TRHDE: variants seen among roughly 807,000 people sequenced by gnomAD.
TRHDE encodes thyrotropin-releasing hormone-degrading ectoenzyme.
TRHDE carries 72 observed loss-of-function variants against 125.7 expected under a neutral mutation model. The ratio of observed to expected loss-of-function variants is 0.57; its 90% CI spans 0.47 to 0.70. The LOEUF is 0.70. TRHDE is among the 30% of genes least tolerant of loss of function. The pLI is 0.00. For missense variants in TRHDE, 1,110 were observed against 1,327.1 expected, an observed-to-expected ratio of 0.84 and a Z score of 2.54; for synonymous variants, 509 against 509.1, an observed-to-expected ratio of 1.00 and a Z score of 0.00.
intron 15 of TRHDE, among the ~76,000 whole-genome samples, chr12:72,651,730 G>C (rs1014602102): frequency 6.6e-6 from 1 of 151,858 alleles, no homozygotes; most frequent in Non-Finnish European, 1.5e-5. Context: ...TTGGATCAAA[G>C]TCAAATTTTA....
chr12:72,551,968 G>A (rs1032254258), intron 7 of TRHDE, among the ~76,000 whole-genome samples: 7 of 152,068 alleles, frequency 4.6e-5, no homozygotes, highest in African/African-American at 1.2e-4. Flanking sequence ...GCCCTACAAA[G>A]GGTTAAGACA....
At chr12:72,265,650 C>T (rs771280346) in intron 2 of TRHDE, among the ~76,000 whole-genome samples, 10 of 151,184 alleles carry the variant, frequency 6.6e-5, no homozygotes, top group Non-Finnish European at 1.5e-4. Context: ...CATCTTTTTC[C>T]ATAGTTTGAA....
chr12:72,339,706 T>C (rs1869993521), intron 2 of TRHDE, among the ~76,000 whole-genome samples: 1 of 152,196 alleles, frequency 6.6e-6, no homozygotes, highest in Admixed American at 6.5e-5. Flanking sequence ...ATCATGGTTT[T>C]ATTATGTTAG....
At chr12:72,654,041 A>G (rs1182119760) in intron 17 of TRHDE, among the ~76,000 whole-genome samples, 1 of 152,152 alleles carries the variant, frequency 6.6e-6, no homozygotes, top group Non-Finnish European at 1.5e-5. Context: ...TGACTTTTTT[A>G]ATATTTTCAG....
chr12:72,330,028 G>A (rs754195825), intron 2 of TRHDE, among the ~76,000 whole-genome samples: 5 of 152,160 alleles, frequency 3.3e-5, no homozygotes, highest in Non-Finnish European at 7.4e-5. Flanking sequence ...TGTAGGCAGT[G>A]CCCATTTCCC....
chr12:72,185,174 G>A (rs1306905573), intron 2 of TRHDE, among the ~76,000 whole-genome samples: 2 of 152,238 alleles, frequency 1.3e-5, no homozygotes, highest in Admixed American at 1.3e-4. Flanking sequence ...GGGCAATGAG[G>A]GACTTAGCAC....
chr12:72,561,937 T>G (rs1451727318), intron 7 of TRHDE, among the ~76,000 whole-genome samples: 1 of 152,164 alleles, frequency 6.6e-6, no homozygotes, highest in Non-Finnish European at 1.5e-5. Context: ...GAAGTTATTA[T>G]AGTTATGAAA....
At chr12:72,637,593 G>A (rs1448503738) in intron 15 of TRHDE, among the ~76,000 whole-genome samples, 1 of 151,974 alleles carries the variant, frequency 6.6e-6, no homozygotes, top group African/African-American at 2.4e-5. Flanking sequence ...TAATTGTGAT[G>A]TTAGGGTGTC....
intron 3 of TRHDE, among the ~76,000 whole-genome samples, chr12:72,441,920 C>T (rs1875034112): frequency 6.6e-6 from 1 of 151,850 alleles, no homozygotes; most frequent in South Asian, 2.1e-4. Context: ...CTTGAGTAAA[C>T]TTGGGAACAC....
At chr12:72,431,737 C>T (rs1294466332) in intron 3 of TRHDE, 1 of 152,142 alleles carries the variant, frequency 6.6e-6, no homozygotes, top group African/African-American at 2.4e-5. Context: ...ATTGGCATAC[C>T]TGTTACATGT....
At chr12:72,170,223 A>G (rs777411827) in intron 2 of TRHDE, among the ~76,000 whole-genome samples, 1 of 152,184 alleles carries the variant, frequency 6.6e-6, no homozygotes, top group Non-Finnish European at 1.5e-5. Flanking sequence ...CTTCTGAAGT[A>G]GATAACAAGA....
chr12:72,640,880 C>G (rs186192233), intron 15 of TRHDE, among the ~76,000 whole-genome samples: 3 of 152,188 alleles, frequency 2.0e-5, no homozygotes, highest in Non-Finnish European at 2.9e-5. Flanking sequence ...ATCAATGGCA[C>G]GTATACTACC....
rs1384118966 is a variant in TRHDE, at chr12:72,665,658, C to CT, written c.*2469dup. On this transcript the variant is annotated 3_prime_UTR_variant, in exon 19 of 19. Transcript: ENST00000261180. ...TTTCTACTTAGAGTTTTTATCTTTT[C>CT]TTTTTTGTCGGCTTTACAAATTATA... 6.6e-6 allele frequency: 1 copy of CT among 151,842 alleles called. No individual in the cohort carries two copies. Among genetic ancestry groups the CT allele is most frequent in the Non-Finnish European group, 1.5e-5 (1 of 67,908 alleles). 9.4% of individuals were successfully genotyped at this position (151,842 alleles called of 1,614,324 possible).
rs558021485 is a variant in TRHDE, at chr12:72,191,062, C to T, written n.279+85310C>T. 5.7e-4 allele frequency among the ~76,000 whole-genome samples: 87 copies of T among 152,220 alleles called. 2 individuals are homozygous for T. The South Asian group carries it at 0.017, about 30-fold the overall frequency. ...TTTACCTCTCCTATAGTATTCTATA[C>T]AACATTGAGCCAGAATAAATAACTT... On this transcript the variant is annotated intron_variant and non_coding_transcript_variant, in intron 2 of 4. Coordinates refer to the TRHDE transcript ENST00000548156.
intron 13 of TRHDE, among the ~76,000 whole-genome samples, chr12:72,620,030 T>G (rs767051491): frequency 6.6e-6 from 1 of 152,138 alleles, no homozygotes; most frequent in Admixed American, 6.6e-5. Flanking sequence ...TCTAAGCCCT[T>G]AGAACAGACA....
intron 2 of TRHDE, among the ~76,000 whole-genome samples, chr12:72,127,863 GTA>G (rs577436903): frequency 6.6e-6 from 1 of 151,812 alleles, no homozygotes; most frequent in African/African-American, 2.4e-5. Context: ...GACATTGTGT[GTA>G]TATATATATG....
intron 3 of TRHDE, among the ~76,000 whole-genome samples, chr12:72,412,269 C>G (rs1873545381): frequency 6.6e-6 from 1 of 151,970 alleles, no homozygotes; most frequent in African/African-American, 2.4e-5. Flanking sequence ...ACATACAAAT[C>G]AGTAAGAAAA....
At chr12:72,202,719 T>A (rs1048871319) in intron 2 of TRHDE, among the ~76,000 whole-genome samples, 3 of 152,240 alleles carry the variant, frequency 2.0e-5, no homozygotes, top group African/African-American at 7.2e-5. Context: ...AAGTCCCATT[T>A]CAGGCAGAGC....
chr12:72,459,945 C>T (rs1455183797), intron 3 of TRHDE, among the ~76,000 whole-genome samples: 1 of 152,074 alleles, frequency 6.6e-6, no homozygotes, highest in Non-Finnish European at 1.5e-5. Context: ...GTGCCAGTTC[C>T]CAGAGCCCTA....
Sources: gnomAD v4.1 joint callset for allele counts (sites outside exome capture counted in the v4.1 genomes callset) on GRCh38, gnomAD v4.1.1 for gene constraint, MANE v1.5 for transcripts, NCBI Gene and HGNC (gene_info 2026-07-23, HGNC 2026-07-21) for gene names.